Variants in TSNARE1 observed in about 807,000 individuals in gnomAD.
TSNARE1 encodes t-SNARE domain-containing protein 1.
Under a neutral mutation model 62.0 loss-of-function variants are expected in TSNARE1, and 49 were observed. That is an observed-to-expected ratio of 0.79 (90% CI 0.63 to 1.00). The LOEUF is 1.00. Among genes scored for constraint, TSNARE1 ranks in the 50% least tolerant of loss-of-function variants. TSNARE1 has a pLI of 0.00. For synonymous variants in TSNARE1, 328 were observed against 294.4 expected (o/e 1.11, Z -1.17); for missense variants, 755 against 700.1 (o/e 1.08, Z -0.88).
chr8:142,268,123 C>T (rs1358637145), intron 12 of TSNARE1, among the ~76,000 whole-genome samples: 1 of 152,226 alleles, frequency 6.6e-6, no homozygotes, highest in African/African-American at 2.4e-5. Flanking sequence ...CAGGGCCAGG[C>T]ATGGCCTCTG....
At chr8:142,238,987 G>C (rs1347048088) in intron 12 of TSNARE1, among the ~76,000 whole-genome samples, 1 of 152,146 alleles carries the variant, frequency 6.6e-6, no homozygotes, top group Non-Finnish European at 1.5e-5. Flanking sequence ...GGTGGTGTCT[G>C]GCTCGTCCCT....
At chr8:142,317,035 C>T (rs922874751) in intron 7 of TSNARE1, among the ~76,000 whole-genome samples, 7 of 151,940 alleles carry the variant, frequency 4.6e-5, no homozygotes, top group South Asian at 2.1e-4. Context: ...ACACTGTGCA[C>T]GTGAAGCAGG....
chr8:142,282,381 G>T (rs916598530), intron 11 of TSNARE1, among the ~76,000 whole-genome samples: 3 of 152,246 alleles, frequency 2.0e-5, no homozygotes, highest in Non-Finnish European at 2.9e-5. Flanking sequence ...GCGGAGCAGG[G>T]ACCAGCGTCT....
intron 12 of TSNARE1, among the ~76,000 whole-genome samples, chr8:142,268,803 G>T (rs192520856): frequency 1.3e-5 from 2 of 152,256 alleles, no homozygotes; most frequent in Admixed American, 1.3e-4. Flanking sequence ...AGCCATCCTG[G>T]GCCATGAGGA....
intron 13 of TSNARE1, among the ~76,000 whole-genome samples, chr8:142,219,189 C>T (rs1218320763): frequency 6.6e-6 from 1 of 152,174 alleles, no homozygotes; most frequent in Non-Finnish European, 1.5e-5. Flanking sequence ...AAGAGGGGAA[C>T]CCTGAAGGCA....
At chr8:142,358,313 G>A (rs1275656258) in intron 1 of TSNARE1, among the ~76,000 whole-genome samples, 1 of 151,948 alleles carries the variant, frequency 6.6e-6, no homozygotes, top group Non-Finnish European at 1.5e-5. Flanking sequence ...GCAAAGGGCG[G>A]CAGGGTCTGC....
At chr8:142,261,540 C>T (rs960850962) in intron 12 of TSNARE1, among the ~76,000 whole-genome samples, 1 of 151,998 alleles carries the variant, frequency 6.6e-6, no homozygotes, top group Non-Finnish European at 1.5e-5. Flanking sequence ...ACTATAGCCG[C>T]TCCCACTGCA....
At chr8:142,306,567 C>A (rs4412491) in intron 9 of TSNARE1, among the ~76,000 whole-genome samples, 36,543 of 152,100 alleles carry the variant, frequency 0.24, 4,953 homozygotes, top group African/African-American at 0.36. Flanking sequence ...AGCTGCTCAC[C>A]CCACACCCAG....
chr8:142,278,256 T>C, intron 11 of TSNARE1: 1 of 985,438 alleles, frequency 1.0e-6, no homozygotes, highest in Non-Finnish European at 1.2e-6. Flanking sequence ...CGGCCCACTC[T>C]GCCCATGGGT....
At chr8:142,269,918 C>T (rs776226804) in intron 12 of TSNARE1, 34 of 985,320 alleles carry the variant, frequency 3.5e-5, no homozygotes, top group Admixed American at 6.1e-5. Flanking sequence ...CAGGGGAAAA[C>T]GCAAAACGAG....
intron 4 of TSNARE1, among the ~76,000 whole-genome samples, chr8:142,335,722 GA>G (rs1488925577): frequency 6.6e-6 from 1 of 152,176 alleles, no homozygotes; most frequent in Non-Finnish European, 1.5e-5. Context: ...TGCATGAGCC[GA>G]AGACGGCTCG....
At chr8:142,273,871 TC>T (rs770678892) in intron 12 of TSNARE1, 50 of 985,156 alleles carry the variant, frequency 5.1e-5, no homozygotes, top group Non-Finnish European at 5.7e-5. Flanking sequence ...TATCCCAGCG[TC>T]CTGGGGATGT....
chr8:142,374,759 G>C (rs929299141), intron 1 of TSNARE1, among the ~76,000 whole-genome samples: 6 of 151,846 alleles, frequency 4.0e-5, no homozygotes, highest in Non-Finnish European at 8.8e-5. Context: ...CATCTGAAAA[G>C]GGGAAGGAGG....
At chr8:142,256,933 G>A (rs1818616195) in intron 12 of TSNARE1, among the ~76,000 whole-genome samples, 1 of 152,204 alleles carries the variant, frequency 6.6e-6, no homozygotes, top group Non-Finnish European at 1.5e-5. Context: ...GGGGAACACT[G>A]TTGCTCTGAG....
chr8:142,393,388 CTCT>C (rs1295388514), intron 1 of TSNARE1, among the ~76,000 whole-genome samples: 4 of 152,214 alleles, frequency 2.6e-5, no homozygotes, highest in African/African-American at 7.2e-5. Context: ...CACAGGGCTC[CTCT>C]GAGTGATGAC....
At chr8:142,305,031 G>A (rs553833715) in intron 9 of TSNARE1, among the ~76,000 whole-genome samples, 28 of 152,332 alleles carry the variant, frequency 1.8e-4, no homozygotes, top group Admixed American at 4.6e-4. Flanking sequence ...GCCCGAGGAC[G>A]GAGATGTAGG....
At chr8:142,295,562 C>T (rs1824541133) in intron 10 of TSNARE1, among the ~76,000 whole-genome samples, 1 of 152,262 alleles carries the variant, frequency 6.6e-6, no homozygotes, top group Non-Finnish European at 1.5e-5. Flanking sequence ...AGTGAACAGG[C>T]CACAGAACAC....
At chr8:142,265,566 G>C (rs539178354) in intron 12 of TSNARE1, among the ~76,000 whole-genome samples, 42 of 152,344 alleles carry the variant, frequency 2.8e-4, no homozygotes, top group Admixed American at 2.5e-3. Flanking sequence ...CTGTGTGCAA[G>C]TGTTGGTGTG....
At chr8:142,314,535 C>A in intron 8 of TSNARE1, 95 bp from the exon 9 acceptor site, 2 of 1,100,182 alleles carry the variant, frequency 1.8e-6, no homozygotes, top group South Asian at 2.9e-5. Flanking sequence ...CTCTGGACGA[C>A]GGTGCAGCAA....
Sources: allele counts gnomAD v4.1 joint callset (sites outside exome capture counted in the v4.1 genomes callset), GRCh38; gene constraint gnomAD v4.1.1; transcripts MANE v1.5; gene names NCBI Gene and HGNC (gene_info 2026-07-23, HGNC 2026-07-21).